Variants in LMNB1 observed in about 807,000 individuals in gnomAD.
LMNB1 encodes lamin-B1.
LMNB1 carries 23 observed loss-of-function variants against 67.1 expected under a neutral mutation model. The observed-to-expected ratio is 0.34, with a 90% confidence interval of 0.25 to 0.49. The LOEUF is 0.49. Ranked by LOEUF, LMNB1 falls within the 20% of genes least tolerant of loss-of-function variation. The probability of loss-of-function intolerance (pLI) is 0.99; values close to 1 mark genes in which losing one functional copy is unlikely to be tolerated. For missense variants in LMNB1, 634 were observed against 746.5 expected (o/e 0.85, Z 1.76); for synonymous variants, 281 against 282.9 (o/e 0.99, Z 0.07).
chr5:126,778,291 T>C (rs1414197083), intron 1 of LMNB1, among the ~76,000 whole-genome samples: 1 of 151,902 alleles, frequency 6.6e-6, no homozygotes, highest in African/African-American at 2.4e-5. Context: ...AGACAAAGCG[T>C]CTAGCGGATT....
At chr5:126,780,261 A>AT (rs771725096) in intron 1 of LMNB1, among the ~76,000 whole-genome samples, 96 of 152,218 alleles carry the variant, frequency 6.3e-4, no homozygotes, top group South Asian at 4.1e-3. Context: ...GGATATGAAG[A>AT]TTTTTTTAAA....
At chr5:126,793,606 GGCTCACGCCTGTA>G (rs1208499327) in intron 1 of LMNB1, among the ~76,000 whole-genome samples, 14 of 152,172 alleles carry the variant, frequency 9.2e-5, no homozygotes, top group Non-Finnish European at 1.8e-4. Context: ...CGGGCATGGT[GGCTCACGCCTGTA>G]ATCCCAGCAC....
intron 1 of LMNB1, among the ~76,000 whole-genome samples, chr5:126,781,147 C>T (rs184356703): frequency 9.2e-5 from 14 of 152,008 alleles, no homozygotes; most frequent in Admixed American, 2.6e-4. Flanking sequence ...AAATTAGCCG[C>T]GTGTGGTAGT....
chr5:126,796,588 C>T (rs1355625611), intron 1 of LMNB1, among the ~76,000 whole-genome samples: 1 of 152,068 alleles, frequency 6.6e-6, no homozygotes, highest in East Asian at 1.9e-4. Flanking sequence ...AAGTGTTAAC[C>T]AACTGGATTT....
intron 1 of LMNB1, among the ~76,000 whole-genome samples, chr5:126,783,894 G>A (rs1750694449): frequency 6.6e-6 from 1 of 151,804 alleles, no homozygotes; most frequent in African/African-American, 2.4e-5. Flanking sequence ...TATCAGTTGA[G>A]TAATGGGACC....
intron 10 of LMNB1, among the ~76,000 whole-genome samples, chr5:126,833,766 A>G (rs926231682): frequency 1.3e-5 from 2 of 152,246 alleles, no homozygotes; most frequent in African/African-American, 4.8e-5. Flanking sequence ...CATGAGTTAT[A>G]TAGCATGTCA....
At chr5:126,802,996 C>T (rs563876859) in intron 1 of LMNB1, among the ~76,000 whole-genome samples, 49 of 151,640 alleles carry the variant, frequency 3.2e-4, no homozygotes, top group African/African-American at 1.1e-3. Flanking sequence ...ACCAGCCTGG[C>T]CAAAATAGGC....
At chr5:126,827,327 TAAG>T (rs1283786507) in intron 9 of LMNB1, among the ~76,000 whole-genome samples, 2 of 152,146 alleles carry the variant, frequency 1.3e-5, no homozygotes, top group Non-Finnish European at 2.9e-5. Flanking sequence ...AGCCAGGGAA[TAAG>T]ATAAAGTGAT....
intron 1 of LMNB1, among the ~76,000 whole-genome samples, chr5:126,783,219 C>CA (rs538452564): frequency 1.3e-5 from 2 of 151,698 alleles, no homozygotes; most frequent in Non-Finnish European, 2.9e-5. Flanking sequence ...AACAAACAAA[C>CA]AAAAAAACCA....
chr5:126,791,230 A>C (rs1750949198), intron 1 of LMNB1, among the ~76,000 whole-genome samples: 1 of 151,866 alleles, frequency 6.6e-6, no homozygotes. Context: ...ATCTGATTGA[A>C]TTCTTTTGGT....
At chr5:126,808,071 C>T (rs1241531033) in intron 3 of LMNB1, among the ~76,000 whole-genome samples, 1 of 152,134 alleles carries the variant, frequency 6.6e-6, no homozygotes, top group Non-Finnish European at 1.5e-5. Context: ...AGGGTTTCAC[C>T]ACATTGGCCA....
intron 10 of LMNB1, 129 bp downstream of exon 10, chr5:126,832,930 T>G (rs1752170062): frequency 3.7e-4 from 194 of 523,812 alleles, no homozygotes; most frequent in East Asian, 6.4e-4. Flanking sequence ...AAGTGGGGTT[T>G]GTACTCCCCA....
At chr5:126,805,799 C>A in intron 3 of LMNB1, 103 bp downstream of exon 3, 3 of 890,866 alleles carry the variant, frequency 3.4e-6, no homozygotes, top group East Asian at 2.6e-5. Context: ...TTCTTTGCCA[C>A]AAAAATATAT....
chr5:126,777,380 A>G lies in LMNB1; in HGVS notation c.-129A>G, dbSNP rs567207384. On this transcript the variant is annotated 5_prime_UTR_variant, in exon 1 of 11. Transcript: ENST00000261366. ...TCCCAGGTGCTTCTCCGTTCCTCTAAACGCCAGCGTCTGGACGTGAGCGCA... is the reference window on the plus strand; with the variant it reads ...TCCCAGGTGCTTCTCCGTTCCTCTAGACGCCAGCGTCTGGACGTGAGCGCA... 158 of 1,121,994 alleles carry G rather than the reference A, an allele frequency of 1.4e-4. No homozygotes were observed. The African/African-American group carries it at 2.0e-3, about 14-fold the overall frequency. 69.5% of individuals were successfully genotyped at this position (1,121,994 alleles called of 1,614,324 possible).
In LMNB1 at chr5:126,819,011, G is replaced by A. The variant is rs540943092; in HGVS notation, c.1029G>A (p.Glu343=). 13 of 1,614,176 alleles carry A rather than the reference G, an allele frequency of 8.1e-6. No individual in the cohort carries two copies. The South Asian group carries it at 1.4e-4, about 18-fold the overall frequency. The change falls in exon 6 of 11, where the codon GAG becomes GAA. Residue 343 remains glutamate (E), a synonymous_variant. Coordinates refer to ENST00000261366, the MANE Select transcript of LMNB1 (RefSeq NM_005573.4). ...DNSRRMLTDK[E]REMAEIRDQM... is the part of the protein sequence containing the mutation. ...CTCGTCGCATGCTGACAGACAAAGA[G>A]AGAGAGATGGCGGAAATAAGGGATC...
At chr5:126,785,480 C>CTTTTTTT (rs111537827) in intron 1 of LMNB1, among the ~76,000 whole-genome samples, 2 of 137,416 alleles carry the variant, frequency 1.5e-5, no homozygotes, top group Non-Finnish European at 3.1e-5. Context: ...TTTTCTTTTT[C>CTTTTTTT]TTTTTTTTTT....
Position 126,777,302 on chromosome 5 carries a change from G to C in LMNB1, c.-207G>C. 2.5e-6 allele frequency: 1 copy of C among 400,000 alleles called. No homozygotes were observed. The highest frequency in any genetic ancestry group is 4.3e-6 in the Non-Finnish European group (1 of 233,856). The allele number at this position is 400,000 out of a possible 1,614,324, so 24.8% of individuals were successfully genotyped here. ...TATTTCGCGATCGATCGATTGATTC[G>C]TAGTTCCCCCCCGCGCGCCTTTGCC... is the stretch of plus-strand genomic sequence containing the variant. On this transcript the variant is annotated 5_prime_UTR_variant, in exon 1 of 11. Coordinates refer to ENST00000261366, the MANE Select transcript of LMNB1 (RefSeq NM_005573.4).
chr5:126,787,546 A>ATACATATTTTTTTTTTTTT, intron 1 of LMNB1, among the ~76,000 whole-genome samples: 1 of 65,574 alleles, frequency 1.5e-5, no homozygotes, highest in African/African-American at 6.6e-5. Flanking sequence ...ATATATATAT[A>ATACATATTTTTTTTTTTTT]TTTTTTTTTT....
At chr5:126,777,909 G>A (rs1415032701) in intron 1 of LMNB1, 42 bp downstream of exon 1, 4 of 1,380,812 alleles carry the variant, frequency 2.9e-6, no homozygotes. Flanking sequence ...AAGGAGGGGC[G>A]GGGGCGCAAC....
Sources: allele counts gnomAD v4.1 joint callset (sites outside exome capture counted in the v4.1 genomes callset), GRCh38; gene constraint gnomAD v4.1.1; transcripts MANE v1.5; gene names NCBI Gene and HGNC (gene_info 2026-07-23, HGNC 2026-07-21).